MACROD2: variants seen among roughly 807,000 people sequenced by gnomAD.
The protein encoded by MACROD2 is ADP-ribose glycohydrolase MACROD2.
MACROD2 carries 36 observed loss-of-function variants against 70.4 expected under a neutral mutation model. The observed-to-expected ratio is 0.51, with a 90% CI of 0.39 to 0.68. The LOEUF is 0.68. Ranked by LOEUF, MACROD2 falls within the 30% of genes least tolerant of loss-of-function variation. The pLI is 0.00. For missense variants in MACROD2, 496 were observed against 538.4 expected, an observed-to-expected ratio of 0.92 and a Z score of 0.78; for synonymous variants, 172 against 178.8, an observed-to-expected ratio of 0.96 and a Z score of 0.30.
chr20:15,634,799 C>T (rs766196542), intron 8 of MACROD2, among the ~76,000 whole-genome samples: 5 of 152,216 alleles, frequency 3.3e-5, no homozygotes, highest in Non-Finnish European at 7.3e-5. Flanking sequence ...AATCAACTTT[C>T]CTGACTCCTT....
At chr20:15,619,200 T>A (rs921609118) in intron 8 of MACROD2, among the ~76,000 whole-genome samples, 4 of 152,230 alleles carry the variant, frequency 2.6e-5, no homozygotes, top group Non-Finnish European at 5.9e-5. Flanking sequence ...GTGGCTAATC[T>A]GTTAGTCCTA....
At chr20:14,011,551 G>C (rs548611357) in intron 2 of MACROD2, among the ~76,000 whole-genome samples, 1 of 150,146 alleles carries the variant, frequency 6.7e-6, no homozygotes, top group African/African-American at 2.5e-5. Context: ...TTTGTAAGAC[G>C]GAGTCTTGCT....
At chr20:15,176,347 G>A (rs1392224717) in intron 5 of MACROD2, among the ~76,000 whole-genome samples, 1 of 152,202 alleles carries the variant, frequency 6.6e-6, no homozygotes, top group Non-Finnish European at 1.5e-5. Context: ...TGTGGGCTGG[G>A]CTGCCAGTTC....
chr20:14,681,254 C>T (rs1218646683), intron 4 of MACROD2, among the ~76,000 whole-genome samples: 6 of 152,094 alleles, frequency 3.9e-5, no homozygotes, highest in African/African-American at 1.2e-4. Context: ...AGTAATTTCA[C>T]TCAATGATAT....
intron 5 of MACROD2, among the ~76,000 whole-genome samples, chr20:14,904,174 A>G (rs2073931692): frequency 6.6e-6 from 1 of 152,196 alleles, no homozygotes; most frequent in African/African-American, 2.4e-5. Context: ...GTTCTTGGAT[A>G]TAGTTAGTAT....
At chr20:14,618,627 G>A (rs1305333227) in intron 4 of MACROD2, among the ~76,000 whole-genome samples, 1 of 152,142 alleles carries the variant, frequency 6.6e-6, no homozygotes, top group Non-Finnish European at 1.5e-5. Context: ...AAGCTCCTCT[G>A]AAACAAGGTG....
intron 4 of MACROD2, among the ~76,000 whole-genome samples, chr20:14,527,755 T>A (rs1275800828): frequency 1.3e-5 from 2 of 152,220 alleles, no homozygotes; most frequent in Non-Finnish European, 2.9e-5. Context: ...GTTAGACACA[T>A]GCCAGAATGT....
chr20:15,554,372 T>G (rs1280566331), intron 8 of MACROD2, among the ~76,000 whole-genome samples: 1 of 152,174 alleles, frequency 6.6e-6, no homozygotes, highest in Non-Finnish European at 1.5e-5. Context: ...GGACTCTTTA[T>G]TTATCAAAAA....
At chr20:14,772,832 G>T (rs968167541) in intron 5 of MACROD2, among the ~76,000 whole-genome samples, 1 of 152,042 alleles carries the variant, frequency 6.6e-6, no homozygotes, top group Non-Finnish European at 1.5e-5. Context: ...TTCCAGAAAA[G>T]ATTGTATTCC....
At position 14,862,627 on chromosome 20, in the gene MACROD2, AT is replaced by A. The variant is rs1347321670; in HGVS notation, c.418+177669del. Among the ~76,000 whole-genome samples the A allele has an allele frequency of 8.0e-4, 10 of 12,544 alleles. 2 individuals are homozygous for A. Among genetic ancestry groups the A allele is most frequent in the African/African-American group, 2.5e-3 (10 of 4,036 alleles). The allele number at this position is 12,544 out of a possible 152,430, so 8.2% of individuals were successfully genotyped here. A position where few individuals can be genotyped will look rare whatever the true frequency, so the allele number is the denominator to read the frequency against. The stretch of plus-strand genomic sequence containing the variant: ...TATAAATATATATAAATATATATAT[AT>A]AAATATATATATAAATATATATATA... On this transcript the variant is annotated intron_variant, in intron 5 of 17. Transcript: ENST00000684519.
intron 5 of MACROD2, among the ~76,000 whole-genome samples, chr20:14,953,251 C>T (rs1282298140): frequency 6.6e-6 from 1 of 152,046 alleles, no homozygotes; most frequent in African/African-American, 2.4e-5. Flanking sequence ...TTCCTGTCTC[C>T]CATAAAGTTG....
At chr20:14,644,890 G>A (rs565573937) in intron 4 of MACROD2, among the ~76,000 whole-genome samples, 1 of 152,230 alleles carries the variant, frequency 6.6e-6, no homozygotes, top group Admixed American at 6.6e-5. Context: ...ATTGGGACAG[G>A]TGAGAGGCAG....
At chr20:15,186,448 G>T (rs1443508882) in intron 5 of MACROD2, among the ~76,000 whole-genome samples, 3 of 152,038 alleles carry the variant, frequency 2.0e-5, no homozygotes, top group Non-Finnish European at 4.4e-5. Flanking sequence ...TGTGGGTCTT[G>T]TCTTCATAAT....
chr20:15,110,348 T>C (rs2075945142), intron 5 of MACROD2, among the ~76,000 whole-genome samples: 1 of 152,148 alleles, frequency 6.6e-6, no homozygotes, highest in Non-Finnish European at 1.5e-5. Context: ...ATTGGGGACA[T>C]CAAGATGAGT....
intron 3 of MACROD2, among the ~76,000 whole-genome samples, chr20:14,296,318 T>C (rs1036625054): frequency 1.3e-5 from 2 of 151,968 alleles, no homozygotes; most frequent in African/African-American, 4.8e-5. Flanking sequence ...CATATTTATA[T>C]GTGTGCATGT....
At chr20:16,041,117 G>A (rs2067301748) in intron 15 of MACROD2, 84 bp from the exon 16 acceptor site, 3 of 1,131,584 alleles carry the variant, frequency 2.7e-6, no homozygotes, top group South Asian at 1.4e-5. Context: ...ATTTAAAAGG[G>A]CAATGGAGGG....
At chr20:14,093,853 ACAACT>A (rs1256133171) in intron 3 of MACROD2, among the ~76,000 whole-genome samples, 1 of 152,182 alleles carries the variant, frequency 6.6e-6, no homozygotes, top group African/African-American at 2.4e-5. Context: ...AGAAAAGCAA[ACAACT>A]CAAGAAAGCA....
In MACROD2 at chr20:15,276,403, AAAATAAAAAAAT is replaced by A. The variant is rs1339052145; in HGVS notation, c.540+46346_540+46357del. Among the ~76,000 whole-genome samples, 2 of 103,568 alleles carry A rather than the reference AAAATAAAAAAAT, an allele frequency of 1.9e-5. 1 individual carries two copies. Among genetic ancestry groups the A allele is most frequent in the Admixed American group, 1.9e-4 (2 of 10,784 alleles). The allele number at this position is 103,568 out of a possible 152,430, so 67.9% of individuals were successfully genotyped here. ...CGACAGAGAGAGACTCCCTCTCAAA[AAAATAAAAAAAT>A]AAAAAAATCTCATTGATCACCTTTG... On this transcript the variant is annotated intron_variant, in intron 6 of 17. Coordinates refer to ENST00000684519, the MANE Select transcript of MACROD2 (RefSeq NM_001351661.2).
chr20:14,260,469 G>A (rs1444324012), intron 3 of MACROD2, among the ~76,000 whole-genome samples: 1 of 152,080 alleles, frequency 6.6e-6, no homozygotes, highest in Non-Finnish European at 1.5e-5. Context: ...ACAGGATCTG[G>A]TTTTATCACC....
Sources: allele counts gnomAD v4.1 joint callset (sites outside exome capture counted in the v4.1 genomes callset), GRCh38; gene constraint gnomAD v4.1.1; transcripts MANE v1.5; gene names NCBI Gene and HGNC (gene_info 2026-07-23, HGNC 2026-07-21).